Variants in SLC60A2 observed in about 807,000 individuals in gnomAD.
The protein encoded by SLC60A2 is major facilitator superfamily domain containing 4B.
the SLC60A2 span, chr6:111,262,493 T>C: frequency 6.9e-7 from 1 of 1,441,774 alleles, no homozygotes; most frequent in Non-Finnish European, 9.7e-7. Flanking sequence ...TTTGAAAATA[T>C]GAAAATACTA....
At chr6:111,265,666 A>G in the SLC60A2 span, among the ~76,000 whole-genome samples, 1 of 152,114 alleles carries the variant, frequency 6.6e-6, no homozygotes, top group Non-Finnish European at 1.5e-5. Context: ...ATTTGTGAGT[A>G]TGTGATGTTA....
chr6:111,275,927 C>A, the SLC60A2 span, among the ~76,000 whole-genome samples: 1 of 152,160 alleles, frequency 6.6e-6, no homozygotes, highest in African/African-American at 2.4e-5. Context: ...TAAACAGTAA[C>A]TGCCATTCTA....
the SLC60A2 span, chr6:111,265,827 A>G: frequency 8.6e-3 from 12,686 of 1,478,552 alleles, 65 homozygotes; most frequent in Non-Finnish European, 0.011. Context: ...TTTTTTAATA[A>G]GTAAGTAACT....
chr6:111,263,854 T>C, the SLC60A2 span: 5 of 1,605,224 alleles, frequency 3.1e-6, no homozygotes, highest in South Asian at 4.4e-5. Flanking sequence ...GCTACCACCG[T>C]TGGTCTTTAT....
At chr6:111,276,328 A>C in the SLC60A2 span, among the ~76,000 whole-genome samples, 2 of 152,070 alleles carry the variant, frequency 1.3e-5, no homozygotes, top group African/African-American at 4.8e-5. Flanking sequence ...TCTATTTTTA[A>C]TATTTTGTTG....
At chr6:111,260,912 G>A in the SLC60A2 span, among the ~76,000 whole-genome samples, 1 of 152,220 alleles carries the variant, frequency 6.6e-6, no homozygotes, top group African/African-American at 2.4e-5. Context: ...ATAGTGGTCC[G>A]TGGTCTTGGA....
the SLC60A2 span, chr6:111,262,228 G>A: frequency 6.3e-7 from 1 of 1,586,390 alleles, no homozygotes; most frequent in Non-Finnish European, 8.6e-7. Context: ...ATGATTATAA[G>A]TAAAAACTTT....
At chr6:111,271,593 AT>A in the SLC60A2 span, among the ~76,000 whole-genome samples, 1 of 151,654 alleles carries the variant, frequency 6.6e-6, no homozygotes, top group African/African-American at 2.4e-5. Flanking sequence ...AAAAAACCTA[AT>A]TGGGAGATGA....
At chr6:111,278,855 C>T in the SLC60A2 span, 1 of 152,182 alleles carries the variant, frequency 6.6e-6, no homozygotes, top group Non-Finnish European at 1.5e-5. Context: ...CTTCTACACC[C>T]TCCAGAATTC....
the SLC60A2 span, among the ~76,000 whole-genome samples, chr6:111,272,098 G>C: frequency 6.6e-6 from 1 of 152,150 alleles, no homozygotes; most frequent in Non-Finnish European, 1.5e-5. Flanking sequence ...GACCTCCCAG[G>C]CTCAAGCAGT....
At chr6:111,271,775 T>TAAAAAAAAAAAAAAAAAA in the SLC60A2 span, among the ~76,000 whole-genome samples, 10 of 18,850 alleles carry the variant, frequency 5.3e-4, 1 homozygote, top group Non-Finnish European at 7.5e-4. Flanking sequence ...CCATCTCTAC[T>TAAAAAAAAAAAAAAAAAA]AAAAAAAAAA....
chr6:111,263,732 A>T, the SLC60A2 span: 1 of 634,232 alleles, frequency 1.6e-6, no homozygotes, highest in East Asian at 2.6e-5. Context: ...ATCTAATTTA[A>T]ATTTGACCTG....
At chr6:111,269,720 A>G in the SLC60A2 span, 1 of 152,164 alleles carries the variant, frequency 6.6e-6, no homozygotes, top group Non-Finnish European at 1.5e-5. Context: ...ATGGCAGAAA[A>G]TCTCAAAATC....
the SLC60A2 span, chr6:111,266,251 T>C: frequency 6.2e-7 from 1 of 1,614,208 alleles, no homozygotes; most frequent in Non-Finnish European, 8.5e-7. Context: ...CACAACGCCC[T>C]TCTTTGTCTC....
chr6:111,264,804 C>A, the SLC60A2 span, among the ~76,000 whole-genome samples: 1 of 146,226 alleles, frequency 6.8e-6, no homozygotes, highest in African/African-American at 2.6e-5. Flanking sequence ...AAAAAAAAAA[C>A]CTACTAAATA....
At chr6:111,272,042 T>G in the SLC60A2 span, among the ~76,000 whole-genome samples, 1 of 152,034 alleles carries the variant, frequency 6.6e-6, no homozygotes, top group South Asian at 2.1e-4. Context: ...TACTTAAAAG[T>G]TATTTTTATT....
chr6:111,266,803 G>T, the SLC60A2 span: 3 of 1,613,794 alleles, frequency 1.9e-6, no homozygotes, highest in Admixed American at 5.0e-5. Context: ...CCTCTTGATC[G>T]CCAGCGAAAA....
chr6:111,269,728 A>G, the SLC60A2 span: 1 of 152,162 alleles, frequency 6.6e-6, no homozygotes, highest in African/African-American at 2.4e-5. Context: ...AAATCTCAAA[A>G]TCTACTCTGG....
At chr6:111,261,337 G>GT in the SLC60A2 span, among the ~76,000 whole-genome samples, 1 of 152,158 alleles carries the variant, frequency 6.6e-6, no homozygotes, top group East Asian at 1.9e-4. Flanking sequence ...AGGTTTTGAC[G>GT]TTTTCCAGTG....
Sources: allele counts gnomAD v4.1 joint callset (sites outside exome capture counted in the v4.1 genomes callset), GRCh38; gene constraint gnomAD v4.1.1; transcripts MANE v1.5; gene names NCBI Gene and HGNC (gene_info 2026-07-23, HGNC 2026-07-21).